The following PDXDC1 variants were observed in gnomAD, a reference collection of about 807,000 sequenced individuals.
The protein encoded by PDXDC1 is pyridoxal dependent decarboxylase domain containing 1.
In PDXDC1, 42 loss-of-function variants were observed where a neutral mutation model predicts 100.1. That is an observed-to-expected ratio of 0.42 (90% CI 0.33 to 0.54). The LOEUF is 0.54. PDXDC1 is among the 20% of genes least tolerant of loss of function. The pLI is 0.10. For synonymous variants in PDXDC1, 260 were observed against 371.7 expected (o/e 0.70, Z 3.46); for missense variants, 636 against 979.2 (o/e 0.65, Z 4.68).
chr16:15,125,770 T>G, intron 16 of PDXDC1: 1 of 1,518,250 alleles, frequency 6.6e-7, no homozygotes, highest in Non-Finnish European at 9.1e-7. Flanking sequence ...GTCCAGCACC[T>G]GCTGCCCGGC....
At chr16:15,125,393 C>G (rs959907557) in intron 16 of PDXDC1, 8 of 751,402 alleles carry the variant, frequency 1.1e-5, no homozygotes, top group African/African-American at 5.3e-5. Flanking sequence ...CCCGTCCAGT[C>G]ACGCACGGAC....
chr16:15,085,806 T>C (rs1476283893), intron 16 of PDXDC1: 2 of 1,472,418 alleles, frequency 1.4e-6, no homozygotes, highest in African/African-American at 1.4e-5. Flanking sequence ...AAAAAAGTTA[T>C]TTTTCCATAA....
At chr16:15,128,156 G>A (rs774227260) in intron 16 of PDXDC1, 153 of 1,609,792 alleles carry the variant, frequency 9.5e-5, no homozygotes, top group Non-Finnish European at 1.3e-4. Context: ...GCGGGAGGGA[G>A]GTCAGGCTCG....
chr16:15,094,848 T>C (rs868711663), intron 16 of PDXDC1: 6 of 152,462 alleles, frequency 3.9e-5, no homozygotes, highest in Non-Finnish European at 8.8e-5. Flanking sequence ...TATTTATTTA[T>C]TTTCTTTTGA....
downstream of PDXDC1, among the ~76,000 whole-genome samples, chr16:15,142,559 G>A (rs1001576806): frequency 6.6e-6 from 1 of 152,100 alleles, no homozygotes; most frequent in Middle Eastern, 3.4e-3. Context: ...GTGCCCCCTG[G>A]GTGTGGAAGC....
intron 16 of PDXDC1, chr16:15,126,577 G>C (rs1369865673): frequency 7.1e-6 from 1 of 141,234 alleles, no homozygotes; most frequent in African/African-American, 2.6e-5. Flanking sequence ...AGTCTGTGAA[G>C]GATTGGTGTT....
At chr16:15,098,617 G>A (rs1479639770) in intron 16 of PDXDC1, among the ~76,000 whole-genome samples, 4 of 151,996 alleles carry the variant, frequency 2.6e-5, no homozygotes, top group African/African-American at 4.8e-5. Context: ...GGTGGCTCAC[G>A]CCTGTAATCC....
At chr16:15,048,378 T>C (rs1008988099) in intron 16 of PDXDC1, among the ~76,000 whole-genome samples, 2 of 152,120 alleles carry the variant, frequency 1.3e-5, no homozygotes, top group Non-Finnish European at 2.9e-5. Flanking sequence ...TATTATAGTT[T>C]TTTGTTTGTT....
rs1324802805 is a variant in PDXDC1, at chr16:15,134,551, T to TG, written c.1400-4324dup. 8.7e-5 allele frequency among the ~76,000 whole-genome samples: 5 copies of TG among 57,234 alleles called. 2 individuals are homozygous for TG. Among genetic ancestry groups the TG allele is most frequent in the Non-Finnish European group, 2.3e-4 (5 of 21,958 alleles). The allele number at this position is 57,234 out of a possible 152,430, so 37.5% of individuals were successfully genotyped here. On this transcript the variant is annotated intron_variant, in intron 16 of 16. Transcript: ENST00000535621. Reference sequence around the variant, plus strand: ...AGGGCATACACAGGGCAGAGGACACTGGGGTGTGCGTTCTGGTGTACTGGA... The same window carrying TG: ...AGGGCATACACAGGGCAGAGGACACTGGGGGTGTGCGTTCTGGTGTACTGGA...
chr16:15,030,324 C>A (rs1298661103), intron 16 of PDXDC1, among the ~76,000 whole-genome samples: 1 of 152,224 alleles, frequency 6.6e-6, no homozygotes, highest in Non-Finnish European at 1.5e-5. Flanking sequence ...GCAGGCAGAT[C>A]ATCTGAGGTC....
downstream of PDXDC1, among the ~76,000 whole-genome samples, chr16:15,041,449 ATGG>A (rs1369105585): frequency 6.6e-6 from 1 of 152,104 alleles, no homozygotes; most frequent in Non-Finnish European, 1.5e-5. Context: ...GGCTCGGCAG[ATGG>A]TGGACGAGGG....
chr16:15,036,364 A>ATAAAT lies in PDXDC1; in HGVS notation c.*92_*96dup, dbSNP rs2043454599. The ATAAAT allele has an allele frequency of 2.4e-6, 3 of 1,241,204 alleles. No homozygotes were observed. Among genetic ancestry groups the ATAAAT allele is most frequent in the Non-Finnish European group, 3.4e-6 (3 of 880,902 alleles). The allele number at this position is 1,241,204 out of a possible 1,614,324, so 76.9% of individuals were successfully genotyped here. ...AATGTGAACTGTGCCACATACTAAT[A>ATAAAT]TAAATTACTGTTGTTTGTGCTTCAC... On this transcript the variant is annotated 3_prime_UTR_variant, in exon 23 of 23. Transcript: ENST00000396410.
chr16:15,148,861 C>T, the PDXDC1 span, among the ~76,000 whole-genome samples: 4 of 152,146 alleles, frequency 2.6e-5, no homozygotes. Flanking sequence ...CCTCCCCATC[C>T]CTTCCCCCAC....
chr16:15,062,230 AT>A (rs2044744363), intron 16 of PDXDC1, among the ~76,000 whole-genome samples: 1 of 152,190 alleles, frequency 6.6e-6, no homozygotes, highest in Non-Finnish European at 1.5e-5. Context: ...CTCATCACAC[AT>A]TGTAATCATT....
intron 16 of PDXDC1, among the ~76,000 whole-genome samples, chr16:15,069,533 T>C (rs990319018): frequency 6.6e-6 from 1 of 152,208 alleles, no homozygotes; most frequent in Non-Finnish European, 1.5e-5. Flanking sequence ...AAAACAATAC[T>C]GGTCAATTAA....
At chr16:15,146,250 G>T in the PDXDC1 span, among the ~76,000 whole-genome samples, 16,807 of 152,090 alleles carry the variant, frequency 0.11, 1,173 homozygotes, top group Non-Finnish European at 0.16. Context: ...CCGGGAAGGG[G>T]GACGTCGAGG....
At chr16:15,128,350 T>G in intron 16 of PDXDC1, 2 of 1,607,338 alleles carry the variant, frequency 1.2e-6, no homozygotes, top group Non-Finnish European at 1.7e-6. Flanking sequence ...GCTCCGGCTG[T>G]CCACCCCATA....
chr16:15,136,781 G>A (rs564274934), intron 16 of PDXDC1: 18,852 of 1,541,124 alleles, frequency 0.012, 163 homozygotes, highest in Non-Finnish European at 0.015. Context: ...GGGTGTCAAC[G>A]GTCAGTGTGG....
intron 1 of PDXDC1, among the ~76,000 whole-genome samples, chr16:14,979,068 G>A (rs929135370): frequency 6.6e-6 from 1 of 152,282 alleles, no homozygotes; most frequent in African/African-American, 2.4e-5. Context: ...CTAATTTAGG[G>A]AATCTAGAGC....
Sources: allele counts gnomAD v4.1 joint callset (sites outside exome capture counted in the v4.1 genomes callset), GRCh38; gene constraint gnomAD v4.1.1; transcripts MANE v1.5; gene names NCBI Gene and HGNC (gene_info 2026-07-23, HGNC 2026-07-21).